The following SGCZ variants were observed in gnomAD, a reference collection of about 807,000 sequenced individuals.
SGCZ encodes zeta-sarcoglycan.
A neutral mutation model predicts 41.3 loss-of-function variants in SGCZ; 40 were observed. The observed-to-expected ratio is 0.97, with a 90% CI of 0.75 to 1.26. The LOEUF (loss-of-function observed/expected upper bound fraction) is 1.26. SGCZ is among the 50% of genes most tolerant of loss of function. The pLI is 0.00. For synonymous variants in SGCZ, 206 were observed against 137.5 expected (o/e 1.50, Z -3.49); for missense variants, 552 against 369.8 (o/e 1.49, Z -4.04).
intron 1 of SGCZ, among the ~76,000 whole-genome samples, chr8:15,160,419 G>A (rs1799476915): frequency 6.6e-6 from 1 of 152,016 alleles, no homozygotes; most frequent in African/African-American, 2.4e-5. Flanking sequence ...TCCACCTTTG[G>A]GCTACTGTGA....
At chr8:14,787,232 G>C (rs1435458053) in intron 1 of SGCZ, among the ~76,000 whole-genome samples, 6 of 152,072 alleles carry the variant, frequency 3.9e-5, no homozygotes, top group African/African-American at 1.4e-4. Context: ...AAGACTTCGG[G>C]GGAAATGTCA....
chr8:15,067,009 G>A (rs577700394), intron 1 of SGCZ, among the ~76,000 whole-genome samples: 4 of 152,108 alleles, frequency 2.6e-5, no homozygotes, highest in Non-Finnish European at 5.9e-5. Context: ...AACCTTCTTA[G>A]ATATTGAAAT....
At chr8:14,346,193 G>C (rs934927761) in intron 2 of SGCZ, among the ~76,000 whole-genome samples, 1 of 152,006 alleles carries the variant, frequency 6.6e-6, no homozygotes, top group Non-Finnish European at 1.5e-5. Flanking sequence ...AGAAACTGGG[G>C]TTGTGGAGTG....
chr8:14,250,563 T>C (rs1482086149), intron 3 of SGCZ, among the ~76,000 whole-genome samples: 1 of 152,180 alleles, frequency 6.6e-6, no homozygotes, highest in African/African-American at 2.4e-5. Flanking sequence ...CCTAGAGCGA[T>C]ATGGAACCAC....
At chr8:14,304,694 G>A (rs10096683) in intron 3 of SGCZ, among the ~76,000 whole-genome samples, 7,365 of 152,104 alleles carry the variant, frequency 0.048, 190 homozygotes, top group Middle Eastern at 0.095. Flanking sequence ...CATTATTCGT[G>A]GAATTTATTT....
chr8:14,245,928 A>G (rs1470001932), intron 3 of SGCZ, among the ~76,000 whole-genome samples: 1 of 152,220 alleles, frequency 6.6e-6, no homozygotes, highest in Non-Finnish European at 1.5e-5. Flanking sequence ...AATGGCAATC[A>G]TTAAAAAGTC....
chr8:14,579,252 T>G (rs1477907061), intron 1 of SGCZ, among the ~76,000 whole-genome samples: 2 of 152,158 alleles, frequency 1.3e-5, no homozygotes, highest in Non-Finnish European at 2.9e-5. Flanking sequence ...AGTTACTCTA[T>G]CAAGATACAA....
chr8:14,905,980 T>C (rs924337875), intron 1 of SGCZ, among the ~76,000 whole-genome samples: 29 of 152,018 alleles, frequency 1.9e-4, no homozygotes, highest in Non-Finnish European at 1.5e-5. Context: ...GTTAGGAATG[T>C]GGTTGAAATA....
chr8:14,426,427 T>C (rs1041435695), intron 2 of SGCZ, among the ~76,000 whole-genome samples: 1 of 147,688 alleles, frequency 6.8e-6, no homozygotes, highest in Non-Finnish European at 1.5e-5. Flanking sequence ...ATTATGATGT[T>C]GGTGGTGCAA....
At chr8:14,490,654 A>T (rs17119392) in intron 2 of SGCZ, among the ~76,000 whole-genome samples, 69,727 of 151,990 alleles carry the variant, frequency 0.46, 16,843 homozygotes, top group East Asian at 0.67. Context: ...TTGAGTGTCC[A>T]TTACAAGTCA....
chr8:14,726,007 C>T (rs1186014555), intron 1 of SGCZ, among the ~76,000 whole-genome samples: 1 of 151,666 alleles, frequency 6.6e-6, no homozygotes, highest in African/African-American at 2.4e-5. Context: ...GCCTGTAATC[C>T]CAGCACTTTG....
At chr8:14,674,555 C>T (rs1479150121) in intron 1 of SGCZ, among the ~76,000 whole-genome samples, 1 of 152,138 alleles carries the variant, frequency 6.6e-6, no homozygotes, top group Non-Finnish European at 1.5e-5. Context: ...CTATTCTATT[C>T]ATTCCACAAA....
intron 1 of SGCZ, among the ~76,000 whole-genome samples, chr8:14,770,744 A>C (rs1182571074): frequency 2.2e-4 from 33 of 152,146 alleles, no homozygotes; most frequent in Admixed American, 2.1e-3. Context: ...CTGCCACCAA[A>C]AGTTCATAAC....
At chr8:14,512,627 T>TTTTTTTTTA (rs1300889440) in intron 2 of SGCZ, among the ~76,000 whole-genome samples, 1 of 266 alleles carries the variant, frequency 3.8e-3, no homozygotes, top group Non-Finnish European at 0.023. Flanking sequence ...ACCTGGCTAT[T>TTTTTTTTTA]TTTTTTTTTA....
chr8:14,405,190 C>G (rs943687667), intron 2 of SGCZ, among the ~76,000 whole-genome samples: 8 of 152,154 alleles, frequency 5.3e-5, no homozygotes, highest in Admixed American at 3.3e-4. Context: ...AATGAGTTCC[C>G]CGTGTTAAAT....
chr8:14,187,560 G>C (rs1307549642), intron 4 of SGCZ, among the ~76,000 whole-genome samples: 2 of 151,810 alleles, frequency 1.3e-5, no homozygotes, highest in East Asian at 1.9e-4. Flanking sequence ...CTGGAGTTGA[G>C]AAATATACTG....
chr8:14,267,024 T>G (rs1429231619), intron 3 of SGCZ, among the ~76,000 whole-genome samples: 32 of 152,140 alleles, frequency 2.1e-4, no homozygotes, highest in Admixed American at 2.1e-3. Context: ...ATAAATCATA[T>G]CATCTTATGT....
At chr8:14,186,683 A>T (rs888770347) in intron 4 of SGCZ, among the ~76,000 whole-genome samples, 1 of 152,222 alleles carries the variant, frequency 6.6e-6, no homozygotes, top group Non-Finnish European at 1.5e-5. Flanking sequence ...GCAGGCTGTA[A>T]AACAGGGGGT....
chr8:14,737,621 T>A (rs777315968), intron 1 of SGCZ, among the ~76,000 whole-genome samples: 1 of 152,114 alleles, frequency 6.6e-6, no homozygotes, highest in African/African-American at 2.4e-5. Flanking sequence ...ATTGGCAGGA[T>A]TGATTCCTTC....
Sources: allele counts gnomAD v4.1 joint callset (sites outside exome capture counted in the v4.1 genomes callset), GRCh38; gene constraint gnomAD v4.1.1; transcripts MANE v1.5; gene names NCBI Gene and HGNC (gene_info 2026-07-23, HGNC 2026-07-21).